Variants in CALCOCO1 observed in about 807,000 individuals in gnomAD.
The protein encoded by CALCOCO1 is calcium-binding and coiled-coil domain-containing protein 1.
A neutral mutation model predicts 86.3 loss-of-function variants in CALCOCO1; 44 were observed. That is an observed-to-expected ratio of 0.51 (90% CI 0.40 to 0.66). CALCOCO1 has a LOEUF of 0.66. Ranked by LOEUF, CALCOCO1 falls within the 30% of genes least tolerant of loss-of-function variation. The pLI is 0.00. For missense variants in CALCOCO1, 708 were observed against 851.1 expected (o/e 0.83, Z 2.09); for synonymous variants, 297 against 327.6 (o/e 0.91, Z 1.01).
intron 4 of CALCOCO1, chr12:53,722,958 A>AG (rs1419655346): frequency 7.8e-6 from 3 of 383,862 alleles, no homozygotes; most frequent in Admixed American, 3.6e-5. Context: ...AAAAAAAAAA[A>AG]AAAGAAAAGA....
intron 3 of CALCOCO1, chr12:53,724,428 C>G: frequency 1.9e-6 from 1 of 537,706 alleles, no homozygotes; most frequent in African/African-American, 1.9e-5. Flanking sequence ...GGACTAGATG[C>G]CCTCTGAAGT....
chr12:53,713,004 C>A, intron 14 of CALCOCO1, 96 bp downstream of exon 14: 2 of 1,322,068 alleles, frequency 1.5e-6, no homozygotes, highest in Non-Finnish European at 2.2e-6. Context: ...CCAAGAAGGG[C>A]AGGGGTTGGG....
chr12:53,711,917 T>C lies in CALCOCO1; in HGVS notation c.*27A>G. The C allele has an allele frequency of 6.5e-7, 1 of 1,528,834 alleles. No individual in the cohort carries two copies. Among genetic ancestry groups the C allele is most frequent in the East Asian group, 2.3e-5 (1 of 43,534 alleles). The allele number at this position is 1,528,834 out of a possible 1,614,324, so 94.7% of individuals were successfully genotyped here. A position where few individuals can be genotyped will look rare whatever the true frequency, so the allele number is the denominator to read the frequency against. On this transcript the variant is annotated 3_prime_UTR_variant, in exon 15 of 15. Transcript: ENST00000550804. ...GTGAGTGTGTGTGTGCATGAGTGTG[T>C]ATTTGTGCATGTACGAGGGAGTAAG...
intron 6 of CALCOCO1, 76 bp from the exon 7 acceptor site, chr12:53,719,905 C>T: frequency 1.0e-6 from 1 of 959,330 alleles, no homozygotes; most frequent in South Asian, 1.4e-5. Flanking sequence ...CTGTCTTGTG[C>T]TCTGCTGCTG....
Position 53,725,179 on chromosome 12 carries a change from G to A in CALCOCO1, c.64C>T (p.Arg22Trp), listed in dbSNP as rs368926255. The A allele has an allele frequency of 8.2e-5, 132 of 1,612,828 alleles. No individual in the cohort carries two copies. Among genetic ancestry groups the A allele is most frequent in the Non-Finnish European group, 1.1e-4 (129 of 1,179,444 alleles). ...RGGVNFLNVA[R>W]TYIPNTKVEC... The stretch of plus-strand genomic sequence containing the variant: ...ACCTTGGTGTTGGGGATGTAGGTCC[G>A]GGCTACATTGAGAAAGTTGACTCCA... Residue 22 changes from arginine (R) to tryptophan (W), a missense_variant, in exon 2 of 15, where the codon CGG becomes TGG. Physicochemically the swap from Arg to Trp is moderately radical, Grantham distance 101 (BLOSUM62 -3). Coordinates refer to ENST00000550804, the MANE Select transcript of CALCOCO1 (RefSeq NM_020898.3).
chr12:53,724,268 C>T (rs574256284), intron 3 of CALCOCO1: 2 of 379,658 alleles, frequency 5.3e-6, no homozygotes, highest in Non-Finnish European at 1.0e-5. Context: ...AGATAACCGA[C>T]ACAGGGAGGT....
intron 5 of CALCOCO1, 55 bp downstream of exon 5, chr12:53,721,969 AT>A: frequency 6.2e-7 from 1 of 1,600,668 alleles, no homozygotes. Context: ...CTGGGTTCAG[AT>A]TTTGGATGCT....
chr12:53,714,772 A>C, intron 10 of CALCOCO1, 79 bp from the exon 11 acceptor site: 1 of 992,128 alleles, frequency 1.0e-6, no homozygotes, highest in Non-Finnish European at 1.6e-6. Context: ...AGGACCAACA[A>C]TCTAGAACCA....
intron 13 of CALCOCO1, 110 bp from the exon 14 acceptor site, chr12:53,713,316 G>A: frequency 4.6e-6 from 4 of 861,418 alleles, no homozygotes; most frequent in South Asian, 4.2e-5. Flanking sequence ...AGTGACCTGA[G>A]GGGCTTAGGA....
rs1945519139 is a variant in CALCOCO1, at chr12:53,710,101, G to A, written c.*1843C>T. 1.3e-5 allele frequency: 2 copies of A among 152,044 alleles called. No homozygotes were observed. Among genetic ancestry groups the A allele is most frequent in the African/African-American group, 2.4e-5 (1 of 41,374 alleles). 9.4% of individuals were successfully genotyped at this position (152,044 alleles called of 1,614,324 possible). ...TCGTATTTATTAATAGTCTTAATAC[G>A]GGAAGCAATAAAGGAAGAGAGGGAT... On this transcript the variant is annotated 3_prime_UTR_variant, in exon 15 of 15. Transcript: ENST00000550804.
intron 13 of CALCOCO1, 52 bp downstream of exon 13, chr12:53,713,649 G>A (rs1367089575): frequency 7.6e-6 from 11 of 1,451,768 alleles, no homozygotes; most frequent in African/African-American, 2.8e-5. Context: ...GGACACTTGG[G>A]TTTGGCCCTG....
At chr12:53,727,199 G>GCGCCC (rs1366342755) in intron 1 of CALCOCO1, among the ~76,000 whole-genome samples, 2 of 152,154 alleles carry the variant, frequency 1.3e-5, no homozygotes, top group Non-Finnish European at 2.9e-5. Context: ...CGACGAGGGG[G>GCGCCC]CGCCCCCCAC....
chr12:53,724,205 C>T (rs1007570995), intron 3 of CALCOCO1: 1 of 435,474 alleles, frequency 2.3e-6, no homozygotes, highest in Non-Finnish European at 4.4e-6. Flanking sequence ...CTGCAGCTTT[C>T]ATTTTAAATC....
chr12:53,722,943 CAAAAAAAA>C (rs58897806), intron 4 of CALCOCO1: 3 of 188,522 alleles, frequency 1.6e-5, no homozygotes, highest in Admixed American at 1.4e-4. Context: ...AAGGCTGTCT[CAAAAAAAA>C]AAAAAAAAAA....
In CALCOCO1 at chr12:53,708,590, T is replaced by C. The variant is rs1945502739; in HGVS notation, c.*3354A>G. ...GATGTTCACTTTATTATTCATTACA[T>C]ATATTATTTTGTATGTATAAAACAT... On this transcript the variant is annotated 3_prime_UTR_variant, in exon 15 of 15. Transcript: ENST00000550804. 6.6e-6 allele frequency: 1 copy of C among 152,226 alleles called. No homozygotes were observed. The highest frequency in any genetic ancestry group is 1.5e-5 in the Non-Finnish European group (1 of 68,038). The allele number at this position is 152,226 out of a possible 1,614,324, so 9.4% of individuals were successfully genotyped here. A position where few individuals can be genotyped will look rare whatever the true frequency, so the allele number is the denominator to read the frequency against.
chr12:53,721,789 C>T lies in CALCOCO1; in HGVS notation c.610-174G>A, dbSNP rs970672678. 5 of 860,548 alleles carry T rather than the reference C, an allele frequency of 5.8e-6. No homozygotes were observed. In the African/African-American group the frequency reaches 8.5e-5, roughly 15 times the overall value. The allele number at this position is 860,548 out of a possible 1,614,324, so 53.3% of individuals were successfully genotyped here. On this transcript the variant is annotated intron_variant, in intron 5 of 14. Transcript: ENST00000550804. ...ATTCCCTTACCTATCAACGTGGCCACCTCCACCTTACCCCAGCATTCCTAT... is the reference window on the plus strand; with the variant it reads ...ATTCCCTTACCTATCAACGTGGCCATCTCCACCTTACCCCAGCATTCCTAT...
intron 7 of CALCOCO1, among the ~76,000 whole-genome samples, chr12:53,716,791 A>T (rs1424902425): frequency 6.6e-6 from 1 of 152,118 alleles, no homozygotes; most frequent in Admixed American, 6.5e-5. Flanking sequence ...CGTCCAGGGT[A>T]CCAACTAGCT....
intron 6 of CALCOCO1, 31 bp downstream of exon 6, chr12:53,721,436 G>A (rs781179087): frequency 1.3e-6 from 2 of 1,563,824 alleles, no homozygotes; most frequent in East Asian, 2.3e-5. Flanking sequence ...GGAAGGGAGA[G>A]GAAGTGACGG....
At chr12:53,726,708 T>G (rs1479722227) in intron 1 of CALCOCO1, among the ~76,000 whole-genome samples, 1 of 151,964 alleles carries the variant, frequency 6.6e-6, no homozygotes, top group Non-Finnish European at 1.5e-5. Context: ...GAACAAAAAG[T>G]TTTTTTTAAT....
Sources: gnomAD v4.1 joint callset for allele counts (sites outside exome capture counted in the v4.1 genomes callset) on GRCh38, gnomAD v4.1.1 for gene constraint, MANE v1.5 for transcripts, NCBI Gene and HGNC (gene_info 2026-07-23, HGNC 2026-07-21) for gene names.